The following SMIM35 variants were observed in gnomAD, a reference collection of about 807,000 sequenced individuals.
The protein encoded by SMIM35 is small integral membrane protein 35, also known as TMPRSS4 antisense RNA 1 (non-protein coding).
chr11:118,062,140 G>A (rs1166549905), intron 1 of SMIM35, among the ~76,000 whole-genome samples: 1 of 152,194 alleles, frequency 6.6e-6, no homozygotes, highest in East Asian at 1.9e-4. Context: ...GACCAGCTTG[G>A]CCAACATGGC....
At chr11:118,010,356 T>G (rs949717734) in intron 4 of SMIM35, among the ~76,000 whole-genome samples, 2 of 152,130 alleles carry the variant, frequency 1.3e-5, no homozygotes, top group Non-Finnish European at 2.9e-5. Context: ...CAAGGAGAAC[T>G]TAGAGGAGAG....
At chr11:118,028,896 G>A in intron 1 of SMIM35, 1 of 434,832 alleles carries the variant, frequency 2.3e-6, no homozygotes. Flanking sequence ...AGGAGGAGGG[G>A]AAGGAGGACA....
At chr11:118,055,076 G>A (rs1453194183) in intron 1 of SMIM35, among the ~76,000 whole-genome samples, 2 of 152,080 alleles carry the variant, frequency 1.3e-5, no homozygotes, top group African/African-American at 4.8e-5. Flanking sequence ...AAGTGCTGGG[G>A]TTACAGGCGT....
At chr11:118,070,167 A>G (rs758579975) in intron 1 of SMIM35, among the ~76,000 whole-genome samples, 2 of 152,144 alleles carry the variant, frequency 1.3e-5, no homozygotes, top group African/African-American at 2.4e-5. Context: ...CTTTCTAGCC[A>G]GATTCTTTTT....
chr11:118,055,994 C>T (rs1944303754), intron 1 of SMIM35, among the ~76,000 whole-genome samples: 1 of 151,902 alleles, frequency 6.6e-6, no homozygotes, highest in African/African-American at 2.4e-5. Context: ...GGTCAGTAGT[C>T]AGTTGCCAAG....
chr11:118,020,850 T>C (rs1195845208), intron 1 of SMIM35, among the ~76,000 whole-genome samples: 1 of 152,218 alleles, frequency 6.6e-6, no homozygotes, highest in African/African-American at 2.4e-5. Flanking sequence ...GAACTTCCAG[T>C]ATAATGTACC....
rs1431065218 is a variant in SMIM35, at chr11:118,006,131, G to C, written c.*279C>G. On this transcript the variant is annotated 3_prime_UTR_variant, in exon 5 of 5. Coordinates refer to ENST00000689828, the MANE Select transcript of SMIM35 (RefSeq NM_001394165.1). Reference sequence around the variant, plus strand: ...TCACAATCAACTTTTTGAAAGAATTGAAAGACTCACTGACTCCACTTCCAA... The same window carrying C: ...TCACAATCAACTTTTTGAAAGAATTCAAAGACTCACTGACTCCACTTCCAA... 1 of 152,304 alleles carries C rather than the reference G, an allele frequency of 6.6e-6. No individual in the cohort carries two copies. The highest frequency in any genetic ancestry group is 1.5e-5 in the Non-Finnish European group (1 of 68,114). The allele number at this position is 152,304 out of a possible 1,614,324, so 9.4% of individuals were successfully genotyped here.
At chr11:118,073,451 AT>A (rs1944605078) in intron 1 of SMIM35, among the ~76,000 whole-genome samples, 1 of 152,212 alleles carries the variant, frequency 6.6e-6, no homozygotes, top group Non-Finnish European at 1.5e-5. Flanking sequence ...CCTGAAGCTT[AT>A]GCATTTTGAG....
chr11:118,034,698 T>C (rs1479172799), intron 1 of SMIM35, among the ~76,000 whole-genome samples: 1 of 152,194 alleles, frequency 6.6e-6, no homozygotes, highest in African/African-American at 2.4e-5. Context: ...AGCGAGATCC[T>C]GTCTCAAAAC....
In SMIM35 at chr11:118,043,488, AGAAAATCTATAGAG is replaced by A. The variant is rs546695231; in HGVS notation, c.8-27693_8-27680del. Among the ~76,000 whole-genome samples the A allele has an allele frequency of 1.6e-4, 24 of 152,304 alleles. No individual in the cohort carries two copies. In the South Asian group the frequency reaches 4.8e-3, roughly 30 times the overall value. ...ATGATTCTATTTATACAAAATATCC[AGAAAATCTATAGAG>A]GAAAATCTATAGAGAAAGAAAGTAG... On this transcript the variant is annotated intron_variant, in intron 1 of 4. Transcript: ENST00000689828.
At chr11:118,050,637 A>G (rs985004878) in intron 1 of SMIM35, among the ~76,000 whole-genome samples, 1 of 151,500 alleles carries the variant, frequency 6.6e-6, no homozygotes, top group Non-Finnish European at 1.5e-5. Context: ...CATTTCACTC[A>G]CTCTTCTAGC....
At chr11:118,015,889 C>G in intron 1 of SMIM35, 80 bp from the exon 2 acceptor site, 1 of 399,112 alleles carries the variant, frequency 2.5e-6, no homozygotes, top group Non-Finnish European at 4.4e-6. Flanking sequence ...GTTCTCCTCC[C>G]TTCCCACTGC....
intron 4 of SMIM35, among the ~76,000 whole-genome samples, chr11:118,012,577 C>T (rs887579539): frequency 6.6e-6 from 1 of 152,178 alleles, no homozygotes; most frequent in Non-Finnish European, 1.5e-5. Context: ...GGAGCCTAGG[C>T]GACAAGAACA....
chr11:118,079,643 C>T (rs969756925), intron 1 of SMIM35, among the ~76,000 whole-genome samples: 15 of 152,246 alleles, frequency 9.9e-5, no homozygotes, highest in African/African-American at 3.6e-4. Flanking sequence ...GGTCAACCCC[C>T]TGACGCTTCC....
chr11:118,037,796 G>T (rs1943929863), intron 1 of SMIM35, among the ~76,000 whole-genome samples: 1 of 152,174 alleles, frequency 6.6e-6, no homozygotes, highest in South Asian at 2.1e-4. Flanking sequence ...TAGTACTCCT[G>T]CTCCAATAAC....
At chr11:118,008,256 C>A (rs571298892) in intron 4 of SMIM35, among the ~76,000 whole-genome samples, 1 of 152,334 alleles carries the variant, frequency 6.6e-6, no homozygotes, top group African/African-American at 2.4e-5. Context: ...TTCACCAGGC[C>A]ACTGGCTTCC....
In SMIM35 at chr11:118,072,927, G is replaced by A. The variant is rs142069786; in HGVS notation, c.7+13824C>T. On this transcript the variant is annotated intron_variant, in intron 1 of 4. Transcript: ENST00000689828. ...ATGGAAGTGAAGGTCTTGTGTTGTCGTTGTTGTTTTTGAGACGGAGTCTCG... is the reference window on the plus strand; with the variant it reads ...ATGGAAGTGAAGGTCTTGTGTTGTCATTGTTGTTTTTGAGACGGAGTCTCG... 3.4e-4 allele frequency among the ~76,000 whole-genome samples: 51 copies of A among 151,630 alleles called. No homozygotes were observed. The East Asian group carries it at 5.4e-3, about 16-fold the overall frequency.
chr11:118,024,475 T>C (rs763893319), intron 1 of SMIM35, among the ~76,000 whole-genome samples: 1 of 152,094 alleles, frequency 6.6e-6, no homozygotes, highest in Non-Finnish European at 1.5e-5. Flanking sequence ...TTGTTCTGTT[T>C]TGTTTTGTTT....
chr11:118,006,404 G>A lies in SMIM35; in HGVS notation c.*34-28C>T, dbSNP rs546385811. 6 of 152,350 alleles carry A rather than the reference G, an allele frequency of 3.9e-5. No individual in the cohort carries two copies. The South Asian group carries it at 1.2e-3, about 32-fold the overall frequency. 9.4% of individuals were successfully genotyped at this position (152,350 alleles called of 1,614,324 possible). A position where few individuals can be genotyped will look rare whatever the true frequency, so the allele number is the denominator to read the frequency against. On this transcript the variant is annotated intron_variant, in intron 4 of 4. Transcript: ENST00000689828. ...GTGAAATGGACACAGTAGTCTTCAA[G>A]TTGACTTCTTTAATTAGTGCCCTGG...
Sources: allele counts gnomAD v4.1 joint callset (sites outside exome capture counted in the v4.1 genomes callset), GRCh38; gene constraint gnomAD v4.1.1; transcripts MANE v1.5; gene names NCBI Gene and HGNC (gene_info 2026-07-23, HGNC 2026-07-21).